The following TMEM132B variants were observed in gnomAD, a reference collection of about 807,000 sequenced individuals.
TMEM132B encodes transmembrane protein 132B.
A neutral mutation model predicts 90.8 loss-of-function variants in TMEM132B; 18 were observed. That is an observed-to-expected ratio of 0.20 (90% CI 0.14 to 0.29). TMEM132B has a LOEUF of 0.29. Among genes scored for constraint, TMEM132B ranks in the 10% least tolerant of loss-of-function variants. TMEM132B has a pLI of 1.00. For missense variants in TMEM132B, 1,096 were observed against 1,326.8 expected (o/e 0.83, Z 2.70); for synonymous variants, 504 against 523.3 (o/e 0.96, Z 0.50).
At chr12:125,323,546 C>T in intron 1 of TMEM132B, among the ~76,000 whole-genome samples, 1 of 152,114 alleles carries the variant, frequency 6.6e-6, no homozygotes, top group East Asian at 1.9e-4. Context: ...GAGACAGGGT[C>T]TCTCTTGGTC....
At chr12:125,225,849 C>T (rs1873669864) in intron 1 of TMEM132B, among the ~76,000 whole-genome samples, 1 of 152,246 alleles carries the variant, frequency 6.6e-6, no homozygotes, top group South Asian at 2.1e-4. Flanking sequence ...GTCACATGAC[C>T]ACTCCTAGCT....
intron 6 of TMEM132B, among the ~76,000 whole-genome samples, chr12:125,650,203 G>T (rs985713906): frequency 3.4e-4 from 52 of 152,106 alleles, no homozygotes; most frequent in African/African-American, 1.2e-3. Flanking sequence ...TGACCTACTT[G>T]GTCCTCATGT....
intron 1 of TMEM132B, among the ~76,000 whole-genome samples, chr12:125,216,326 TAAAAG>T (rs1456865563): frequency 6.6e-6 from 1 of 152,152 alleles, no homozygotes; most frequent in Non-Finnish European, 1.5e-5. Context: ...TGTCTCCTCT[TAAAAG>T]AACACCAGTC....
At chr12:125,338,870 A>G (rs325081) in intron 1 of TMEM132B, among the ~76,000 whole-genome samples, 4,844 of 152,314 alleles carry the variant, frequency 0.032, 248 homozygotes, top group African/African-American at 0.1. Flanking sequence ...GATGGAGGGA[A>G]TAAGTGTGCT....
At chr12:125,211,133 AAG>A (rs1565976000) in intron 1 of TMEM132B, among the ~76,000 whole-genome samples, 1 of 152,074 alleles carries the variant, frequency 6.6e-6, no homozygotes, top group East Asian at 1.9e-4. Flanking sequence ...GTATGAAAGA[AAG>A]AGGGGAGTCC....
rs547366297 is a variant in TMEM132B, at chr12:125,584,143, C to T, written c.1437+149C>T. On this transcript the variant is annotated intron_variant, in intron 5 of 8. Transcript: ENST00000682704. Reference sequence around the variant, plus strand: ...CCTCACGAAGGAGGAAACAGCTGACCGCAGAGACTCCCTGGAATCAGCAGG... The same window carrying T: ...CCTCACGAAGGAGGAAACAGCTGACTGCAGAGACTCCCTGGAATCAGCAGG... 106 of 1,109,992 alleles carry T rather than the reference C, an allele frequency of 9.5e-5. 1 individual carries two copies. The highest frequency in any genetic ancestry group is 1.2e-4 in the Non-Finnish European group (93 of 749,780). The allele number at this position is 1,109,992 out of a possible 1,614,324, so 68.8% of individuals were successfully genotyped here. A position where few individuals can be genotyped will look rare whatever the true frequency, so the allele number is the denominator to read the frequency against.
At chr12:125,195,691 A>G (rs12826658) in intron 1 of TMEM132B, among the ~76,000 whole-genome samples, 35,776 of 151,920 alleles carry the variant, frequency 0.24, 4,919 homozygotes, top group East Asian at 0.47. Flanking sequence ...GAGCCACCGC[A>G]CCTGGCCAGG....
intron 5 of TMEM132B, among the ~76,000 whole-genome samples, chr12:125,624,857 G>A (rs1886192869): frequency 6.6e-6 from 1 of 152,138 alleles, no homozygotes. Flanking sequence ...CGTGGTCGAT[G>A]TTTTGATTAA....
chr12:125,400,899 A>G (rs139284348), intron 2 of TMEM132B, among the ~76,000 whole-genome samples: 109 of 152,268 alleles, frequency 7.2e-4, no homozygotes, highest in African/African-American at 2.6e-3. Flanking sequence ...AGTATTGCCC[A>G]CAGAGTGTTC....
At chr12:125,601,017 G>T (rs1412830011) in intron 5 of TMEM132B, among the ~76,000 whole-genome samples, 1 of 152,100 alleles carries the variant, frequency 6.6e-6, no homozygotes, top group African/African-American at 2.4e-5. Flanking sequence ...CAATAATAGT[G>T]GGAGACTTTA....
At position 125,485,852 on chromosome 12, in the gene TMEM132B, TCC is replaced by T. The variant is rs1416811332; in HGVS notation, c.1107-33584_1107-33583del. ...AGAAATGACATTAAGCTTTTGTTTC[TCC>T]CCATCTTTGATTCGAAGAACCAATT... On this transcript the variant is annotated intron_variant, in intron 3 of 8. Coordinates refer to ENST00000682704, the MANE Select transcript of TMEM132B (RefSeq NM_001366854.1). Among the ~76,000 whole-genome samples, 4 of 152,222 alleles carry T rather than the reference TCC, an allele frequency of 2.6e-5. No homozygotes were observed. In the East Asian group the frequency reaches 7.7e-4, roughly 29 times the overall value.
chr12:125,615,411 T>C (rs1473929326), intron 5 of TMEM132B, among the ~76,000 whole-genome samples: 1 of 152,108 alleles, frequency 6.6e-6, no homozygotes, highest in Non-Finnish European at 1.5e-5. Context: ...TGATTCTTTT[T>C]TCTCCTTTGT....
chr12:125,470,604 T>C (rs1442143127), intron 3 of TMEM132B, among the ~76,000 whole-genome samples: 1 of 152,128 alleles, frequency 6.6e-6, no homozygotes, highest in Non-Finnish European at 1.5e-5. Context: ...ATTAGCTGTA[T>C]CCCAGTGGTA....
chr12:125,514,082 A>G (rs1253788856), intron 3 of TMEM132B, among the ~76,000 whole-genome samples: 3 of 152,162 alleles, frequency 2.0e-5, no homozygotes, highest in Non-Finnish European at 4.4e-5. Context: ...CCAGTAGTGA[A>G]GACAGACGTG....
intron 1 of TMEM132B, among the ~76,000 whole-genome samples, chr12:125,204,033 G>A (rs1309384310): frequency 6.6e-6 from 1 of 152,262 alleles, no homozygotes; most frequent in African/African-American, 2.4e-5. Context: ...AGATGGAGCG[G>A]TTAGGTCAGT....
chr12:125,632,097 T>G (rs1433428929), intron 5 of TMEM132B, among the ~76,000 whole-genome samples: 1 of 152,088 alleles, frequency 6.6e-6, no homozygotes, highest in African/African-American at 2.4e-5. Context: ...GTGAAGGTGA[T>G]TTTTTTGGTG....
intron 1 of TMEM132B, among the ~76,000 whole-genome samples, chr12:125,188,825 A>T (rs945850796): frequency 7.7e-6 from 1 of 129,282 alleles, no homozygotes; most frequent in Non-Finnish European, 1.6e-5. Context: ...TGATAACTCT[A>T]TATTTAGCAC....
intron 5 of TMEM132B, among the ~76,000 whole-genome samples, chr12:125,609,151 T>C (rs946846007): frequency 6.6e-6 from 1 of 152,124 alleles, no homozygotes; most frequent in African/African-American, 2.4e-5. Context: ...TTCAATTACT[T>C]CCACTTGGTC....
At chr12:125,264,272 G>A (rs1874636343) in intron 1 of TMEM132B, among the ~76,000 whole-genome samples, 1 of 152,060 alleles carries the variant, frequency 6.6e-6, no homozygotes, top group Non-Finnish European at 1.5e-5. Context: ...CACCCACCAT[G>A]GTAATCCAGG....
Sources: gnomAD v4.1 joint callset for allele counts (sites outside exome capture counted in the v4.1 genomes callset) on GRCh38, gnomAD v4.1.1 for gene constraint, MANE v1.5 for transcripts, NCBI Gene and HGNC (gene_info 2026-07-23, HGNC 2026-07-21) for gene names.